ADORA1: variants seen among roughly 807,000 people sequenced by gnomAD.
ADORA1 encodes adenosine A1 receptor, also known as adenosine receptor A1.
ADORA1 carries 6 observed loss-of-function variants against 19.9 expected under a neutral mutation model. That is an observed-to-expected ratio of 0.30 (90% CI 0.17 to 0.59). ADORA1 has a LOEUF of 0.59. Ranked by LOEUF, ADORA1 falls within the 20% of genes least tolerant of loss-of-function variation. ADORA1 has a pLI of 0.87. For missense variants in ADORA1, 302 were observed against 439.2 expected, an observed-to-expected ratio of 0.69 and a Z score of 2.79; for synonymous variants, 194 against 188.4, an observed-to-expected ratio of 1.03 and a Z score of -0.24.
rs1183961544 is a variant in ADORA1 at position 203,165,433 on chromosome 1, G to A, written c.514G>A (p.Glu172Lys). Reference sequence around the variant, plus strand: ...GGAGCCCGTGATCAAGTGCGAGTTCGAGAAGGTCATCAGCATGGAGTACAT... The same window carrying A: ...GGAGCCCGTGATCAAGTGCGAGTTCAAGAAGGTCATCAGCATGGAGTACAT... ...MGEPVIKCEFEKVISMEYMVY... is the reference protein window; with the variant it reads ...MGEPVIKCEFKKVISMEYMVY... The change falls in exon 4 of 4, where the codon GAG becomes AAG. Residue 172 changes from glutamate (E) to lysine (K), a missense_variant. By Grantham distance (56) the Glu-to-Lys change is moderately conservative. Coordinates refer to ENST00000337894, the MANE Select transcript of ADORA1 (RefSeq NM_000674.3). The surrounding 1 kb of genome is among the most constrained non-coding windows in gnomAD (Gnocchi z 5.9). The A allele has an allele frequency of 1.2e-6, 2 of 1,613,366 alleles. No individual in the cohort carries two copies. Among genetic ancestry groups the A allele is most frequent in the Non-Finnish European group, 1.7e-6 (2 of 1,179,706 alleles).
Position 203,165,103 on chromosome 1 carries a change from C to T in ADORA1, c.342-158C>T, listed in dbSNP as rs769956744. The T allele has an allele frequency of 2.3e-5, 35 of 1,551,270 alleles. No homozygotes were observed. In the South Asian group the frequency reaches 4.2e-4, roughly 18 times the overall value. On this transcript the variant is annotated intron_variant, in intron 3 of 3. Transcript: ENST00000337894. The surrounding 1 kb of genome is among the most constrained non-coding windows in gnomAD (Gnocchi z 5.9). ...AGCACTAAATCTTAGATCCTGAAGA[C>T]TCAGCCCTCGAGCAAAAGACATGCA...
rs1382424382 is a variant in ADORA1 at position 203,128,324 on chromosome 1, C to T, written c.-166C>T. 7.8e-7 allele frequency: 1 copy of T among 1,287,502 alleles called. No individual in the cohort carries two copies. Among genetic ancestry groups the T allele is most frequent in the Non-Finnish European group, 1.0e-6 (1 of 987,400 alleles). 79.8% of individuals were successfully genotyped at this position (1,287,502 alleles called of 1,614,324 possible). A position where few individuals can be genotyped will look rare whatever the true frequency, so the allele number is the denominator to read the frequency against. On this transcript the variant is annotated 5_prime_UTR_variant, in exon 2 of 4. Coordinates refer to ENST00000337894, the MANE Select transcript of ADORA1 (RefSeq NM_000674.3). This position sits in a 1 kb window ranked among gnomAD's most constrained non-coding sequence, Gnocchi z 5.9. ...CGGGAGCCGGAGGACTATGAGCTGCCGCGCGTTGTCCAGAGCCCAGCCCAG... is the reference window on the plus strand; with the variant it reads ...CGGGAGCCGGAGGACTATGAGCTGCTGCGCGTTGTCCAGAGCCCAGCCCAG...
intron 3 of ADORA1, among the ~76,000 whole-genome samples, chr1:203,135,540 C>T (rs937070494): frequency 2.6e-5 from 4 of 151,978 alleles, no homozygotes; most frequent in Non-Finnish European, 5.9e-5. Context: ...CGACTGTAAT[C>T]CCAGCTACTT....
chr1:203,142,428 G>C (rs1654725135), intron 3 of ADORA1, among the ~76,000 whole-genome samples: 1 of 152,242 alleles, frequency 6.6e-6, no homozygotes, highest in Non-Finnish European at 1.5e-5. Flanking sequence ...TGCTCCAATG[G>C]AGGAAGGACA....
Position 203,129,105 on chromosome 1 carries a change from C to T in ADORA1, c.264C>T (p.Leu88=). Residue 88 remains leucine, a synonymous_variant, in exon 3 of 4, where the codon CTC becomes CTT. Coordinates refer to ENST00000337894, the MANE Select transcript of ADORA1 (RefSeq NM_000674.3). Reference sequence around the variant, plus strand: ...GCCTCATGGTTGCCTGTCCGGTCCTCATCCTCACCCAGAGCTCCATCCTGG... The same window carrying T: ...GCCTCATGGTTGCCTGTCCGGTCCTTATCCTCACCCAGAGCTCCATCCTGG... The part of the protein sequence containing the change: ...HTCLMVACPV[L]ILTQSSILAL... 2 of 1,614,186 alleles carry T rather than the reference C, an allele frequency of 1.2e-6. No individual in the cohort carries two copies. The highest frequency in any genetic ancestry group is 2.2e-5 in the East Asian group (1 of 44,872).
intron 3 of ADORA1, among the ~76,000 whole-genome samples, chr1:203,136,671 G>A (rs891999873): frequency 6.6e-6 from 1 of 152,142 alleles, no homozygotes; most frequent in Non-Finnish European, 1.5e-5. Context: ...GAGACTGGCA[G>A]CTGATGCCTT....
intron 3 of ADORA1, among the ~76,000 whole-genome samples, chr1:203,137,803 C>T (rs1654558999): frequency 6.6e-6 from 1 of 152,094 alleles, no homozygotes; most frequent in African/African-American, 2.4e-5. Context: ...TATGGGGCTC[C>T]CTCCCAGTCA....
At chr1:203,133,538 CA>C (rs1468589750) in intron 3 of ADORA1, among the ~76,000 whole-genome samples, 2 of 152,254 alleles carry the variant, frequency 1.3e-5, no homozygotes, top group African/African-American at 4.8e-5. Flanking sequence ...TGCCTTTAAC[CA>C]GTAAGCCCAT....
At position 203,128,826 on chromosome 1, in the gene ADORA1, C is replaced by G; in HGVS notation, c.-16C>G. The G allele has an allele frequency of 1.9e-6, 3 of 1,576,968 alleles. No individual in the cohort carries two copies. The highest frequency in any genetic ancestry group is 1.7e-4 in the Middle Eastern group (1 of 5,766). On this transcript the variant is annotated 5_prime_UTR_variant, in exon 3 of 4. Coordinates refer to ENST00000337894, the MANE Select transcript of ADORA1 (RefSeq NM_000674.3). This position sits in a 1 kb window ranked among gnomAD's most constrained non-coding sequence, Gnocchi z 5.9. Reference sequence around the variant, plus strand: ...CCTTGGTGCCCGTCTGCTGATGTGCCCAGCCTGTGCCCGCCATGCCGCCCT... The same window carrying G: ...CCTTGGTGCCCGTCTGCTGATGTGCGCAGCCTGTGCCCGCCATGCCGCCCT...
chr1:203,144,694 G>C (rs1040714124), intron 3 of ADORA1: 1 of 152,216 alleles, frequency 6.6e-6, no homozygotes, highest in African/African-American at 2.4e-5. Flanking sequence ...ACTTACCTCT[G>C]CGGGTCTCAG....
At chr1:203,151,160 A>C (rs1655020054) in intron 3 of ADORA1, among the ~76,000 whole-genome samples, 1 of 152,178 alleles carries the variant, frequency 6.6e-6, no homozygotes, top group Non-Finnish European at 1.5e-5. Context: ...AGATACTCTG[A>C]AGGGAGGTGG....
intron 3 of ADORA1, among the ~76,000 whole-genome samples, chr1:203,152,058 A>G (rs1471596354): frequency 2.6e-5 from 4 of 152,114 alleles, no homozygotes; most frequent in African/African-American, 9.7e-5. Flanking sequence ...ATGATTTGAC[A>G]CATTCCAGAA....
chr1:203,151,207 A>G (rs1018410802), intron 3 of ADORA1, among the ~76,000 whole-genome samples: 4 of 152,160 alleles, frequency 2.6e-5, no homozygotes, highest in Admixed American at 2.0e-4. Context: ...TCCGCCTCCC[A>G]TATCTCCAGT....
At chr1:203,138,407 A>G (rs1654577172) in intron 3 of ADORA1, among the ~76,000 whole-genome samples, 1 of 152,220 alleles carries the variant, frequency 6.6e-6, no homozygotes, top group South Asian at 2.1e-4. Context: ...GTGCAGATAC[A>G]GAAGAGAGGA....
intron 3 of ADORA1, among the ~76,000 whole-genome samples, chr1:203,145,248 G>C (rs78569839): frequency 6.6e-6 from 1 of 152,214 alleles, no homozygotes; most frequent in African/African-American, 2.4e-5. Flanking sequence ...GCCAGGGGAC[G>C]AGAAAAGTGA....
intron 3 of ADORA1, among the ~76,000 whole-genome samples, chr1:203,147,958 C>T (rs895249214): frequency 3.3e-5 from 5 of 152,128 alleles, no homozygotes; most frequent in African/African-American, 1.2e-4. Context: ...GTAGCTCATG[C>T]CTATAATCCC....
chr1:203,161,631 G>A (rs187713000), intron 3 of ADORA1, among the ~76,000 whole-genome samples: 1 of 151,150 alleles, frequency 6.6e-6, no homozygotes, highest in East Asian at 1.9e-4. Context: ...GTGTGCAATG[G>A]CGCGATCTTG....
At chr1:203,141,243 G>A (rs1654677204) in intron 3 of ADORA1, among the ~76,000 whole-genome samples, 1 of 152,254 alleles carries the variant, frequency 6.6e-6, no homozygotes, top group Non-Finnish European at 1.5e-5. Context: ...CCTACATGCA[G>A]AAATCATCTC....
At position 203,165,074 on chromosome 1, in the gene ADORA1, G is replaced by A; in HGVS notation, c.342-187G>A. ...TCTGTAGGAGAATAAGCCAATGCAT[G>A]GCAAGCACTAAATCTTAGATCCTGA... is the stretch of plus-strand genomic sequence containing the variant. On this transcript the variant is annotated intron_variant, in intron 3 of 3. Coordinates refer to ENST00000337894, the MANE Select transcript of ADORA1 (RefSeq NM_000674.3). The surrounding 1 kb of genome is among the most constrained non-coding windows in gnomAD (Gnocchi z 5.9). 5 of 1,550,634 alleles carry A rather than the reference G, an allele frequency of 3.2e-6. No homozygotes were observed. Among genetic ancestry groups the A allele is most frequent in the Non-Finnish European group, 4.4e-6 (5 of 1,146,992 alleles).
Sources: gnomAD v4.1 joint callset for allele counts (sites outside exome capture counted in the v4.1 genomes callset) on GRCh38, gnomAD v4.1.1 for gene constraint, Gnocchi (gnomAD v3.1) non-coding constraint, MANE v1.5 for transcripts, NCBI Gene and HGNC (gene_info 2026-07-23, HGNC 2026-07-21) for gene names.